IL18: variants seen among roughly 807,000 people sequenced by gnomAD.
The protein encoded by IL18 is interleukin 18.
IL18 carries 8 observed loss-of-function variants against 14.2 expected under a neutral mutation model. The observed-to-expected ratio is 0.56, with a 90% CI of 0.33 to 1.01. The LOEUF (loss-of-function observed/expected upper bound fraction) is 1.01. Among genes scored for constraint, IL18 ranks in the 50% least tolerant of loss-of-function variants. The pLI, the probability that IL18 is intolerant of heterozygous loss-of-function variation, is 0.03. For synonymous variants in IL18, 67 were observed against 71.0 expected (o/e 0.94, Z 0.28); for missense variants, 166 against 231.1 (o/e 0.72, Z 1.83).
intron 1 of IL18, among the ~76,000 whole-genome samples, chr11:112,156,853 T>A (rs1312344388): frequency 1.3e-5 from 2 of 151,318 alleles, no homozygotes; most frequent in Non-Finnish European, 2.9e-5. Flanking sequence ...AAATATTAAA[T>A]TTTATAAGCT....
At chr11:112,156,045 C>A (rs901686929) in intron 1 of IL18, among the ~76,000 whole-genome samples, 1 of 152,104 alleles carries the variant, frequency 6.6e-6, no homozygotes, top group Non-Finnish European at 1.5e-5. Context: ...GAAGTTTAGT[C>A]CTCACAGTAG....
chr11:112,152,392 A>T lies in IL18; in HGVS notation c.91+1200T>A, dbSNP rs545561596. ...ACCATCATTTCTTGTAATAACTAAA[A>T]TAATAGCCTCTCAACCCTTAATTTT... On this transcript the variant is annotated intron_variant, in intron 3 of 5. Coordinates refer to ENST00000280357, the MANE Select transcript of IL18 (RefSeq NM_001562.4). Among the ~76,000 whole-genome samples the T allele has an allele frequency of 6.6e-5, 10 of 152,304 alleles. No homozygotes were observed. The South Asian group carries it at 2.1e-3, about 32-fold the overall frequency.
chr11:112,149,771 C>T (rs891659932), intron 4 of IL18, among the ~76,000 whole-genome samples: 1 of 151,788 alleles, frequency 6.6e-6, no homozygotes. Flanking sequence ...TCAGCTGTAA[C>T]AAGCAGGGAT....
intron 3 of IL18, chr11:112,151,223 A>G (rs1441381906): frequency 1.3e-5 from 2 of 152,252 alleles, no homozygotes; most frequent in African/African-American, 4.8e-5. Context: ...ATTGTGAAAT[A>G]TCATGAACTT....
intron 5 of IL18, among the ~76,000 whole-genome samples, chr11:112,144,825 C>T (rs1274411540): frequency 6.6e-6 from 1 of 152,210 alleles, no homozygotes; most frequent in Non-Finnish European, 1.5e-5. Flanking sequence ...AGGCCAAATG[C>T]AGATTCTTGT....
chr11:112,163,332 A>C (rs1866665934), intron 1 of IL18, among the ~76,000 whole-genome samples: 1 of 146,372 alleles, frequency 6.8e-6, no homozygotes, highest in Admixed American at 6.7e-5. Context: ...CCGTTTAAAG[A>C]GAAGCTTATT....
intron 1 of IL18, among the ~76,000 whole-genome samples, chr11:112,158,689 A>C (rs1467960080): frequency 5.9e-5 from 9 of 152,174 alleles, no homozygotes; most frequent in Non-Finnish European, 1.3e-4. Flanking sequence ...ACATGGAAGC[A>C]GATAATTCTA....
chr11:112,146,395 A>C (rs1866343688), intron 5 of IL18, among the ~76,000 whole-genome samples: 3 of 152,144 alleles, frequency 2.0e-5, no homozygotes, highest in African/African-American at 7.2e-5. Context: ...ATCTCAGCTC[A>C]CTGCAGCCTA....
At chr11:112,146,279 A>G (rs867139742) in intron 5 of IL18, among the ~76,000 whole-genome samples, 3 of 152,150 alleles carry the variant, frequency 2.0e-5, no homozygotes, top group Non-Finnish European at 4.4e-5. Context: ...CTTTATAGCT[A>G]GTAATCAACA....
intron 1 of IL18, among the ~76,000 whole-genome samples, chr11:112,158,046 G>C (rs1030606121): frequency 2.0e-5 from 3 of 152,096 alleles, no homozygotes; most frequent in Non-Finnish European, 4.4e-5. Context: ...AGTAGAGACG[G>C]GTTTCTCCAT....
At chr11:112,151,339 A>C (rs1401371054) in intron 3 of IL18, among the ~76,000 whole-genome samples, 2 of 152,178 alleles carry the variant, frequency 1.3e-5, no homozygotes, top group Non-Finnish European at 2.9e-5. Context: ...AAATATAAGC[A>C]TTTCTGTGTC....
At chr11:112,147,749 CCTAA>C (rs568531782) in intron 5 of IL18, among the ~76,000 whole-genome samples, 8 of 151,338 alleles carry the variant, frequency 5.3e-5, no homozygotes, top group Non-Finnish European at 8.8e-5. Context: ...AAGGTCATAT[CCTAA>C]CTGTCTTTCA....
intron 5 of IL18, among the ~76,000 whole-genome samples, chr11:112,148,005 C>T (rs1592808692): frequency 6.6e-6 from 1 of 152,148 alleles, no homozygotes; most frequent in South Asian, 2.1e-4. Flanking sequence ...GCCAGAAATA[C>T]TTTATACCTG....
chr11:112,158,583 T>C (rs1866574854), intron 1 of IL18, among the ~76,000 whole-genome samples: 1 of 129,282 alleles, frequency 7.7e-6, no homozygotes, highest in Non-Finnish European at 1.6e-5. Flanking sequence ...CATTATCATA[T>C]ATAAAATTAT....
intron 3 of IL18, chr11:112,150,445 C>T (rs1484778373): frequency 1.9e-5 from 7 of 376,118 alleles, no homozygotes; most frequent in East Asian, 5.2e-5. Context: ...ACTTTCTGAC[C>T]GGTCTCTTAC....
intron 1 of IL18, among the ~76,000 whole-genome samples, chr11:112,160,133 T>C (rs1866604152): frequency 6.6e-6 from 1 of 152,150 alleles, no homozygotes; most frequent in African/African-American, 2.4e-5. Context: ...AACTCAGAAA[T>C]GTCTCCAGAA....
At position 112,143,335 on chromosome 11, in the gene IL18, C is replaced by T. The variant is rs770680967; in HGVS notation, c.*261G>A. The T allele has an allele frequency of 2.4e-5, 7 of 297,362 alleles. No individual in the cohort carries two copies. The highest frequency in any genetic ancestry group is 3.7e-5 in the Non-Finnish European group (6 of 160,656). 18.4% of individuals were successfully genotyped at this position (297,362 alleles called of 1,614,324 possible). On this transcript the variant is annotated 3_prime_UTR_variant, in exon 6 of 6. Transcript: ENST00000280357. ...TGCTGTTGTTGCCCAGGCTAGAGCG[C>T]AATGGTGCAATCTCGGCTCACCACA...
At chr11:112,162,603 C>T (rs1472528550) in intron 1 of IL18, among the ~76,000 whole-genome samples, 2 of 152,076 alleles carry the variant, frequency 1.3e-5, no homozygotes, top group Non-Finnish European at 2.9e-5. Flanking sequence ...CCTTGGCCTT[C>T]CAAAGTGTTG....
chr11:112,156,009 A>G (rs1866524767), intron 1 of IL18, among the ~76,000 whole-genome samples: 1 of 152,226 alleles, frequency 6.6e-6, no homozygotes, highest in Non-Finnish European at 1.5e-5. Flanking sequence ...GACATGGTTT[A>G]AACTCATTAC....
Sources: gnomAD v4.1 joint callset for allele counts (sites outside exome capture counted in the v4.1 genomes callset) on GRCh38, gnomAD v4.1.1 for gene constraint, MANE v1.5 for transcripts, NCBI Gene and HGNC (gene_info 2026-07-23, HGNC 2026-07-21) for gene names.